PIEZO1: variants seen among roughly 807,000 people sequenced by gnomAD.
PIEZO1 encodes piezo-type mechanosensitive ion channel component 1.
Under a neutral mutation model 297.2 loss-of-function variants are expected in PIEZO1, and 296 were observed. The observed-to-expected ratio is 1.00, with a 90% confidence interval of 0.91 to 1.10. The LOEUF (loss-of-function observed/expected upper bound fraction) is 1.10. PIEZO1 is among the 50% of genes least tolerant of loss of function. The probability of loss-of-function intolerance (pLI) is 0.00; values close to 1 mark genes in which losing one functional copy is unlikely to be tolerated. For missense variants in PIEZO1, 5,018 were observed against 3,455.5 expected (o/e 1.45, Z -11.34); for synonymous variants, 2,427 against 1,507.5 (o/e 1.61, Z -14.13).
At chr16:88,717,817 A>C (rs2142754139) in intron 44 of PIEZO1, 1 of 445,702 alleles carries the variant, frequency 2.2e-6, no homozygotes. Context: ...ATCTGCAGAA[A>C]AACAGAAAAA....
intron 6 of PIEZO1, 41 bp from the exon 7 acceptor site, chr16:88,738,481 C>T (rs1484111074): frequency 3.3e-6 from 5 of 1,531,340 alleles, no homozygotes; most frequent in Non-Finnish European, 3.5e-6. Flanking sequence ...TGGCCAGTGC[C>T]ATGTGTCCCG....
intron 22 of PIEZO1, among the ~76,000 whole-genome samples, chr16:88,730,632 A>G (rs182800930): frequency 1.4e-3 from 208 of 147,356 alleles, no homozygotes; most frequent in African/African-American, 4.5e-3. Flanking sequence ...GGTTCTTGCT[A>G]TGTTGACCAG....
chr16:88,743,846 G>A (rs1905862235), intron 2 of PIEZO1: 1 of 356,982 alleles, frequency 2.8e-6, no homozygotes, highest in Non-Finnish European at 5.6e-6. Context: ...TGACCCTGCA[G>A]CTATGACCTC....
chr16:88,722,491 G>T, intron 35 of PIEZO1, 92 bp downstream of exon 35: 2 of 1,433,516 alleles, frequency 1.4e-6, no homozygotes, highest in Non-Finnish European at 1.9e-6. Context: ...ACGGTCCTTT[G>T]GGGTACAAGG....
In PIEZO1 at chr16:88,723,114, G is replaced by C; in HGVS notation, c.4476C>G (p.Gly1492=). ...GPSQEVEPAE[G]PEEAAAGRSH... ...ACGTACCTGCCGCTGCCTCCTCGGGGCCCTCTGCTGGCTCCACCTCCTGGC... is the reference window on the plus strand; with the variant it reads ...ACGTACCTGCCGCTGCCTCCTCGGGCCCCTCTGCTGGCTCCACCTCCTGGC... Residue 1492 remains glycine (G), a synonymous_variant, in exon 33 of 51, where the codon GGC becomes GGG. Coordinates refer to ENST00000301015, the MANE Select transcript of PIEZO1 (RefSeq NM_001142864.4). 3 of 1,548,552 alleles carry C rather than the reference G, an allele frequency of 1.9e-6. No individual in the cohort carries two copies. The highest frequency in any genetic ancestry group is 2.6e-6 in the Non-Finnish European group (3 of 1,146,786).
chr16:88,751,536 G>C (rs1432212928), intron 1 of PIEZO1, among the ~76,000 whole-genome samples: 1 of 152,192 alleles, frequency 6.6e-6, no homozygotes, highest in African/African-American at 2.4e-5. Flanking sequence ...CGCCCTGCTG[G>C]ACACAGCAGC....
At chr16:88,760,125 C>G (rs1414690062) in intron 1 of PIEZO1, among the ~76,000 whole-genome samples, 2 of 152,178 alleles carry the variant, frequency 1.3e-5, no homozygotes, top group Admixed American at 1.3e-4. Flanking sequence ...GCCCACCACC[C>G]CACACGCCCA....
rs970862194 is a variant in PIEZO1 at position 88,756,519 on chromosome 16, C to T, written c.65-7040G>A. 5.3e-5 allele frequency among the ~76,000 whole-genome samples: 8 copies of T among 152,210 alleles called. No individual in the cohort carries two copies. In the South Asian group the frequency reaches 6.2e-4, roughly 12 times the overall value. On this transcript the variant is annotated intron_variant, in intron 1 of 50. Coordinates refer to ENST00000301015, the MANE Select transcript of PIEZO1 (RefSeq NM_001142864.4). The stretch of plus-strand genomic sequence containing the variant: ...CTGTAATCCCAGCACTTTGGGAGGC[C>T]GAGGCGGGAAGATGGCTCAAGCCCG...
intron 1 of PIEZO1, among the ~76,000 whole-genome samples, chr16:88,765,479 C>A (rs1353387110): frequency 1.3e-5 from 2 of 152,156 alleles, no homozygotes; most frequent in African/African-American, 4.8e-5. Context: ...CTTGAGTTCC[C>A]AGTAAGTGAA....
chr16:88,731,632 G>C, intron 22 of PIEZO1, 74 bp downstream of exon 22: 1 of 1,175,486 alleles, frequency 8.5e-7, no homozygotes, highest in Non-Finnish European at 1.2e-6. Context: ...GGAGTCTGGG[G>C]CAGGCGGGAA....
chr16:88,779,400 CT>C (rs1907823957), intron 1 of PIEZO1, among the ~76,000 whole-genome samples: 1 of 152,206 alleles, frequency 6.6e-6, no homozygotes, highest in African/African-American at 2.4e-5. Context: ...TCGCACTTTT[CT>C]TTCCCCGCCT....
Position 88,723,213 on chromosome 16 carries a change from C to A in PIEZO1, c.4438+13G>T, listed in dbSNP as rs770856199. Reference sequence around the variant, plus strand: ...GCGGCTTCCCCTCAGAGTCCCCACGCCCCCCAGCTCACCTGTGGGTAGCTG... The same window carrying A: ...GCGGCTTCCCCTCAGAGTCCCCACGACCCCCAGCTCACCTGTGGGTAGCTG... On this transcript the variant is annotated intron_variant, in intron 32 of 50. Transcript: ENST00000301015. 1.3e-6 allele frequency: 2 copies of A among 1,548,334 alleles called. No homozygotes were observed. The highest frequency in any genetic ancestry group is 1.7e-4 in the Middle Eastern group (1 of 5,994).
chr16:88,763,853 C>T (rs57816951), intron 1 of PIEZO1, among the ~76,000 whole-genome samples: 8,412 of 152,302 alleles, frequency 0.055, 301 homozygotes, highest in Admixed American at 0.085. Context: ...GAAATGAAGG[C>T]TTTGGAAGCT....
At chr16:88,722,175 G>T (rs774237388) in intron 36 of PIEZO1, 43 bp downstream of exon 36, 3 of 1,530,708 alleles carry the variant, frequency 2.0e-6, no homozygotes, top group Non-Finnish European at 1.8e-6. Context: ...GCTGCTCCCC[G>T]AGGGCCATGG....
At chr16:88,744,675 G>A (rs1041765639) in intron 2 of PIEZO1, among the ~76,000 whole-genome samples, 2 of 151,366 alleles carry the variant, frequency 1.3e-5, no homozygotes, top group Non-Finnish European at 1.5e-5. Context: ...CCTCCTTCCC[G>A]GTTCAGTTCT....
chr16:88,760,161 C>T (rs1054012951), intron 1 of PIEZO1, among the ~76,000 whole-genome samples: 4 of 152,272 alleles, frequency 2.6e-5, no homozygotes, highest in South Asian at 2.1e-4. Flanking sequence ...GCGGGGCCTC[C>T]GTGCCCTCAG....
intron 30 of PIEZO1, among the ~76,000 whole-genome samples, 196 bp downstream of exon 30, chr16:88,724,813 T>C (rs1904319480): frequency 6.6e-6 from 1 of 151,862 alleles, no homozygotes; most frequent in African/African-American, 2.4e-5. Context: ...GGCTGGGGCA[T>C]AGCCAGGAGA....
In PIEZO1 at chr16:88,726,405, C is replaced by G; in HGVS notation, c.3847G>C (p.Ala1283Pro). The change falls in exon 27 of 51, where the codon GCT becomes CCT. Residue 1283 changes from alanine to proline, a missense_variant. Coordinates refer to ENST00000301015, the MANE Select transcript of PIEZO1 (RefSeq NM_001142864.4). ...CAGACGCTGTCCCAGATGATGCCAG[C>G]CTCCTCCACAGGCAGCAGGCAGTCC... ...DQDCLLPVEEAGIIWDSVCFF... is the reference protein window; with the variant it reads ...DQDCLLPVEEPGIIWDSVCFF... The G allele has an allele frequency of 6.4e-7, 1 of 1,550,518 alleles. No homozygotes were observed. The highest frequency in any genetic ancestry group is 1.4e-5 in the African/African-American group (1 of 73,166).
At chr16:88,744,464 G>A (rs1905907275) in intron 2 of PIEZO1, 1 of 152,056 alleles carries the variant, frequency 6.6e-6, no homozygotes, top group African/African-American at 2.4e-5. Context: ...TGGGCAGCCA[G>A]GCTGACGGGT....
Sources: allele counts gnomAD v4.1 joint callset (sites outside exome capture counted in the v4.1 genomes callset), GRCh38; gene constraint gnomAD v4.1.1; transcripts MANE v1.5; gene names NCBI Gene and HGNC (gene_info 2026-07-23, HGNC 2026-07-21).